QTGAL: variants seen among roughly 807,000 people sequenced by gnomAD.
QTGAL encodes the protein BGnT-like protein 1.
chr17:82,961,203 G>A, the QTGAL span: 179 of 1,599,360 alleles, frequency 1.1e-4, 1 homozygote, highest in African/African-American at 1.9e-3. Context: ...GAGAAGCAGA[G>A]GCATCACTGG....
chr17:82,964,901 C>A, the QTGAL span, among the ~76,000 whole-genome samples: 11 of 119,852 alleles, frequency 9.2e-5, 1 homozygote, highest in Admixed American at 2.4e-4. Context: ...CGGACGCCTG[C>A]AGGTGCACCC....
the QTGAL span, chr17:83,005,729 C>T: frequency 1.3e-6 from 1 of 754,918 alleles, no homozygotes; most frequent in South Asian, 1.5e-5. The surrounding 1 kb of genome is among the most constrained non-coding windows in gnomAD (Gnocchi z 5.6). Context: ...CAACCCTCTC[C>T]CCGGGCATCC....
the QTGAL span, among the ~76,000 whole-genome samples, chr17:82,955,805 A>G: frequency 3.9e-5 from 6 of 152,252 alleles, no homozygotes; most frequent in African/African-American, 1.4e-4. Flanking sequence ...AGCCCATGGA[A>G]TACTACGCAG....
the QTGAL span, among the ~76,000 whole-genome samples, chr17:82,999,945 T>C: frequency 6.6e-6 from 1 of 152,104 alleles, no homozygotes; most frequent in African/African-American, 2.4e-5. Flanking sequence ...TCACTGGTTT[T>C]TTTTGTTGTT....
chr17:83,049,019 C>T, the QTGAL span: 116 of 494,872 alleles, frequency 2.3e-4, 2 homozygotes, highest in East Asian at 2.6e-3. Context: ...TTTGGGAGGC[C>T]GAGGTGGGTG....
chr17:82,992,385 T>G, the QTGAL span, among the ~76,000 whole-genome samples: 1 of 152,196 alleles, frequency 6.6e-6, no homozygotes, highest in Non-Finnish European at 1.5e-5. Flanking sequence ...CAGGTCAGTC[T>G]TTCATGCCTA....
At chr17:83,016,723 G>A in the QTGAL span, among the ~76,000 whole-genome samples, 5 of 148,362 alleles carry the variant, frequency 3.4e-5, no homozygotes, top group Non-Finnish European at 7.5e-5. Context: ...GGAGAGAGGA[G>A]AAGGGAGGAG....
At chr17:82,952,018 G>C in the QTGAL span, among the ~76,000 whole-genome samples, 1 of 152,238 alleles carries the variant, frequency 6.6e-6, no homozygotes, top group African/African-American at 2.4e-5. Flanking sequence ...GAGGGGCACT[G>C]ATGGGGTTGC....
At chr17:83,025,575 C>A in the QTGAL span, among the ~76,000 whole-genome samples, 3 of 135,548 alleles carry the variant, frequency 2.2e-5, no homozygotes, top group African/African-American at 8.3e-5. Context: ...CGCGGAGAGT[C>A]CACACACACA....
At chr17:82,958,866 T>TGTGTGTGTGTACACTGGGGGTGTATG in the QTGAL span, among the ~76,000 whole-genome samples, 9 of 37,664 alleles carry the variant, frequency 2.4e-4, no homozygotes, top group East Asian at 4.2e-3. Context: ...GTATGGTGTG[T>TGTGTGTGTGTACACTGGGGGTGTATG]GTGTGTGTGT....
the QTGAL span, among the ~76,000 whole-genome samples, chr17:82,990,578 G>A: frequency 5.3e-5 from 8 of 152,224 alleles, no homozygotes; most frequent in African/African-American, 9.7e-5. Context: ...AGACTTGATG[G>A]CACCTAATTC....
the QTGAL span, among the ~76,000 whole-genome samples, chr17:83,037,592 C>G: frequency 6.6e-6 from 1 of 152,224 alleles, no homozygotes; most frequent in Non-Finnish European, 1.5e-5. The surrounding 1 kb of genome is among the most constrained non-coding windows in gnomAD (Gnocchi z 5.2). Flanking sequence ...AAGCCTCCAT[C>G]ATCGCTGCAG....
At chr17:82,989,897 C>T in the QTGAL span, among the ~76,000 whole-genome samples, 1,808 of 152,280 alleles carry the variant, frequency 0.012, 41 homozygotes, top group African/African-American at 0.041. Context: ...GAGTATATTA[C>T]GGGCAATTGC....
chr17:82,951,633 G>C, the QTGAL span, among the ~76,000 whole-genome samples: 1 of 152,154 alleles, frequency 6.6e-6, no homozygotes, highest in African/African-American at 2.4e-5. Flanking sequence ...CCTGCCAGTC[G>C]TGGCTTTCGA....
At chr17:82,980,324 G>A in the QTGAL span, among the ~76,000 whole-genome samples, 1 of 152,162 alleles carries the variant, frequency 6.6e-6, no homozygotes, top group South Asian at 2.1e-4. Flanking sequence ...CCACCACAAT[G>A]TGCGGGTCTG....
the QTGAL span, among the ~76,000 whole-genome samples, chr17:82,993,076 A>G: frequency 6.6e-6 from 1 of 152,184 alleles, no homozygotes; most frequent in Non-Finnish European, 1.5e-5. Context: ...ACCAAAATAC[A>G]ACCAGAAAAC....
chr17:83,038,433 T>G, the QTGAL span, among the ~76,000 whole-genome samples: 1 of 152,198 alleles, frequency 6.6e-6, no homozygotes, highest in Non-Finnish European at 1.5e-5. Context: ...AAGTACTTTA[T>G]GAAAAGCAAA....
chr17:83,043,238 A>G, the QTGAL span, among the ~76,000 whole-genome samples: 13,942 of 152,298 alleles, frequency 0.092, 648 homozygotes, highest in East Asian at 0.12. Context: ...AGGTGTGCAC[A>G]GCGCATTCTC....
chr17:83,009,122 A>G, the QTGAL span, among the ~76,000 whole-genome samples: 1 of 151,500 alleles, frequency 6.6e-6, no homozygotes, highest in East Asian at 2.0e-4. Flanking sequence ...AACGTAACTC[A>G]GGGCTGGAAC....
Sources: gnomAD v4.1 joint callset for allele counts (sites outside exome capture counted in the v4.1 genomes callset) on GRCh38, gnomAD v4.1.1 for gene constraint, Gnocchi (gnomAD v3.1) non-coding constraint, MANE v1.5 for transcripts, NCBI Gene and HGNC (gene_info 2026-07-23, HGNC 2026-07-21) for gene names.